Variants in MINDY4 observed in about 807,000 individuals in gnomAD.
The protein encoded by MINDY4 is probable ubiquitin carboxyl-terminal hydrolase MINDY-4.
MINDY4 carries 68 observed loss-of-function variants against 87.0 expected under a neutral mutation model. The observed-to-expected ratio is 0.78, with a 90% confidence interval of 0.64 to 0.96. The LOEUF is 0.96. MINDY4 is among the 40% of genes least tolerant of loss of function. MINDY4 has a pLI of 0.00. For missense variants in MINDY4, 919 were observed against 928.2 expected, an observed-to-expected ratio of 0.99 and a Z score of 0.13; for synonymous variants, 379 against 363.2, an observed-to-expected ratio of 1.04 and a Z score of -0.50.
At chr7:30,784,181 T>G (rs1241006546) in intron 3 of MINDY4, among the ~76,000 whole-genome samples, 2 of 152,064 alleles carry the variant, frequency 1.3e-5, no homozygotes, top group Non-Finnish European at 2.9e-5. Flanking sequence ...TCCGAGGCAC[T>G]TACTACCTGG....
chr7:30,807,700 A>G (rs1470325430), intron 5 of MINDY4, among the ~76,000 whole-genome samples: 3 of 152,222 alleles, frequency 2.0e-5, no homozygotes, highest in Admixed American at 2.0e-4. Context: ...TTATCTATAC[A>G]TTACAGACAT....
Position 30,838,590 on chromosome 7 carries a change from G to A in MINDY4, c.1240-610G>A, listed in dbSNP as rs553564775. Among the ~76,000 whole-genome samples, 84 of 152,284 alleles carry A rather than the reference G, an allele frequency of 5.5e-4. 1 individual carries two copies. Among genetic ancestry groups the A allele is most frequent in the South Asian group, 2.1e-3 (10 of 4,820 alleles). ...GGTATGGAAACAAATGGGCTTTGCTGTGTGCCAGTAGAACATTATTTACAA... is the reference window on the plus strand; with the variant it reads ...GGTATGGAAACAAATGGGCTTTGCTATGTGCCAGTAGAACATTATTTACAA... On this transcript the variant is annotated intron_variant, in intron 7 of 17. Coordinates refer to ENST00000265299, the MANE Select transcript of MINDY4 (RefSeq NM_032222.3).
At chr7:30,849,164 G>C (rs150181548) in intron 9 of MINDY4, among the ~76,000 whole-genome samples, 59 of 152,282 alleles carry the variant, frequency 3.9e-4, no homozygotes, top group African/African-American at 1.2e-3. Flanking sequence ...GGTGGGCTGG[G>C]TTCTGGTCTG....
intron 9 of MINDY4, among the ~76,000 whole-genome samples, chr7:30,841,724 C>T (rs182684409): frequency 4.0e-4 from 61 of 152,256 alleles, no homozygotes; most frequent in African/African-American, 1.4e-3. Flanking sequence ...AAACCGCACA[C>T]CCATGAACAC....
chr7:30,816,625 C>T (rs1215634382), intron 5 of MINDY4, among the ~76,000 whole-genome samples: 1 of 151,608 alleles, frequency 6.6e-6, no homozygotes, highest in Non-Finnish European at 1.5e-5. Flanking sequence ...CCCTGCCTCC[C>T]AAATCTGTCC....
intron 6 of MINDY4, among the ~76,000 whole-genome samples, chr7:30,834,463 A>G (rs1034180900): frequency 8.5e-5 from 13 of 152,234 alleles, no homozygotes; most frequent in African/African-American, 3.1e-4. Flanking sequence ...GGCCCAGCCC[A>G]TGAGACCATT....
At chr7:30,836,541 C>G (rs1037245647) in intron 6 of MINDY4, 117 bp from the exon 7 acceptor site, 2 of 839,074 alleles carry the variant, frequency 2.4e-6, no homozygotes, top group Admixed American at 4.2e-5. Context: ...CGGGGAGGAA[C>G]CCTCCTTTCA....
intron 5 of MINDY4, among the ~76,000 whole-genome samples, chr7:30,808,234 A>G (rs1166717078): frequency 1.3e-5 from 2 of 152,184 alleles, no homozygotes; most frequent in East Asian, 3.8e-4. Flanking sequence ...TGGAGTCCGG[A>G]CATCTGAAAC....
At chr7:30,879,382 C>T (rs1790389240) in intron 15 of MINDY4, among the ~76,000 whole-genome samples, 1 of 152,218 alleles carries the variant, frequency 6.6e-6, no homozygotes, top group Non-Finnish European at 1.5e-5. Flanking sequence ...CATCTCAGAC[C>T]TCCAGCTTCC....
intron 9 of MINDY4, among the ~76,000 whole-genome samples, chr7:30,849,767 T>TATCTAAAGATCTGAGTGCATCTCAAACTC: frequency 6.6e-6 from 1 of 152,236 alleles, no homozygotes; most frequent in African/African-American, 2.4e-5. Flanking sequence ...CTGACAGCCT[T>TATCTAAAGATCTGAGTGCATCTCAAACTC]ATCTAAAGAT....
chr7:30,842,812 A>G (rs1789082694), intron 9 of MINDY4, among the ~76,000 whole-genome samples: 1 of 152,074 alleles, frequency 6.6e-6, no homozygotes, highest in Non-Finnish European at 1.5e-5. Context: ...TTCCCCCTCA[A>G]ATTGTTTTCA....
intron 9 of MINDY4, among the ~76,000 whole-genome samples, chr7:30,848,294 A>G (rs1340393621): frequency 6.6e-6 from 1 of 152,200 alleles, no homozygotes; most frequent in African/African-American, 2.4e-5. Flanking sequence ...TGTATGTGCA[A>G]TGGTGATTGG....
intron 12 of MINDY4, chr7:30,858,589 A>G (rs1162136603): frequency 6.6e-6 from 1 of 152,108 alleles, no homozygotes; most frequent in Non-Finnish European, 1.5e-5. Context: ...TATCTTTTTT[A>G]AAAATCAGAG....
At chr7:30,777,936 T>G (rs1433226775) in intron 1 of MINDY4, among the ~76,000 whole-genome samples, 1 of 152,170 alleles carries the variant, frequency 6.6e-6, no homozygotes, top group Admixed American at 6.5e-5. Flanking sequence ...GTGGCTTTGC[T>G]CATGACTTAG....
At chr7:30,813,414 A>G (rs1788064110) in intron 5 of MINDY4, among the ~76,000 whole-genome samples, 1 of 152,204 alleles carries the variant, frequency 6.6e-6, no homozygotes, top group South Asian at 2.1e-4. Context: ...GGAAAGTTTC[A>G]GTACAGCCTT....
chr7:30,825,223 T>C (rs567662217), intron 5 of MINDY4, among the ~76,000 whole-genome samples: 23 of 152,348 alleles, frequency 1.5e-4, no homozygotes, highest in Admixed American at 7.8e-4. Flanking sequence ...CTTTTAAACT[T>C]TGTAAAGCTT....
chr7:30,890,904 C>T (rs1045791236), intron 17 of MINDY4, among the ~76,000 whole-genome samples: 6 of 152,154 alleles, frequency 3.9e-5, no homozygotes, highest in Admixed American at 6.5e-5. Flanking sequence ...CCACCCTTCT[C>T]ATCGCAGTTC....
intron 5 of MINDY4, among the ~76,000 whole-genome samples, chr7:30,796,035 G>A (rs1051635817): frequency 2.6e-5 from 4 of 152,082 alleles, no homozygotes; most frequent in African/African-American, 9.7e-5. Context: ...CATTCAGGGG[G>A]TCTGGGATTA....
At chr7:30,803,885 A>T (rs1312816754) in intron 5 of MINDY4, among the ~76,000 whole-genome samples, 1 of 152,198 alleles carries the variant, frequency 6.6e-6, no homozygotes, top group East Asian at 1.9e-4. Flanking sequence ...CCACCTAAGG[A>T]TCATGGCATT....
Sources: gnomAD v4.1 joint callset for allele counts (sites outside exome capture counted in the v4.1 genomes callset) on GRCh38, gnomAD v4.1.1 for gene constraint, MANE v1.5 for transcripts, NCBI Gene and HGNC (gene_info 2026-07-23, HGNC 2026-07-21) for gene names.